The following NPSR1 variants were observed in gnomAD, a reference collection of about 807,000 sequenced individuals.
NPSR1 encodes the protein neuropeptide S receptor.
NPSR1 carries 48 observed loss-of-function variants against 46.9 expected under a neutral mutation model. The observed-to-expected ratio is 1.02, with a 90% CI of 0.81 to 1.30. The LOEUF (loss-of-function observed/expected upper bound fraction) is 1.30. Ranked by LOEUF, NPSR1 falls within the 50% of genes most tolerant of loss-of-function variation. The pLI is 0.00. For synonymous variants in NPSR1, 176 were observed against 168.1 expected (o/e 1.05, Z -0.36); for missense variants, 450 against 449.5 (o/e 1.00, Z -0.01).
At position 34,779,063 on chromosome 7, in the gene NPSR1, G is replaced by C. The variant is rs324984; in HGVS notation, c.384+498G>C. ...TCTCAAATTTCCTATTTTCCTTTTTGAATGATTTTATAACTGAGAGACTTT... is the reference window on the plus strand; with the variant it reads ...TCTCAAATTTCCTATTTTCCTTTTTCAATGATTTTATAACTGAGAGACTTT... On this transcript the variant is annotated intron_variant, in intron 3 of 8. Coordinates refer to ENST00000360581, the MANE Select transcript of NPSR1 (RefSeq NM_207172.2). Among the ~76,000 whole-genome samples the C allele has an allele frequency of 7.6e-3, 1,157 of 151,956 alleles. 12 individuals carry two copies. The highest frequency in any genetic ancestry group is 0.027 in the African/African-American group (1,110 of 41,474).
In NPSR1 at chr7:34,827,426, G is replaced by A. The variant is rs1473733516; in HGVS notation, c.504G>A (p.Val168=). Residue 168 remains valine (V), a synonymous_variant, in exon 5 of 9, where the codon GTG becomes GTA. Transcript: ENST00000360581. ...QGEKQARVLI[V]IAWSLSFLFS... ...AAAAGCAAGCCAGGGTCCTCATTGT[G>A]ATCGCCTGGAGCCTGTCTTTTCTGT... 1.1e-5 allele frequency: 17 copies of A among 1,613,974 alleles called. No individual in the cohort carries two copies. Among genetic ancestry groups the A allele is most frequent in the Non-Finnish European group, 1.3e-5 (15 of 1,180,006 alleles).
chr7:34,785,685 C>G (rs1360505507), intron 3 of NPSR1, among the ~76,000 whole-genome samples: 1 of 152,048 alleles, frequency 6.6e-6, no homozygotes, highest in African/African-American at 2.4e-5. Flanking sequence ...ATAATAGCTA[C>G]AATAGAGGTA....
chr7:34,668,631 T>C (rs565106494), intron 1 of NPSR1, among the ~76,000 whole-genome samples: 2 of 152,354 alleles, frequency 1.3e-5, no homozygotes, highest in South Asian at 4.1e-4. Flanking sequence ...TGTTTCCTAC[T>C]CATGTCCCAT....
intron 3 of NPSR1, among the ~76,000 whole-genome samples, chr7:34,779,232 G>C (rs961162995): frequency 6.6e-6 from 1 of 151,666 alleles, no homozygotes; most frequent in African/African-American, 2.4e-5. Context: ...ATACATACTT[G>C]TTAATATGCA....
chr7:34,762,307 T>C (rs1007544286), intron 2 of NPSR1, among the ~76,000 whole-genome samples: 1 of 151,906 alleles, frequency 6.6e-6, no homozygotes, highest in African/African-American at 2.4e-5. Context: ...AGCCGGGGAG[T>C]TGACAGTTTA....
At chr7:34,709,114 T>A (rs978424038) in intron 2 of NPSR1, among the ~76,000 whole-genome samples, 1 of 152,148 alleles carries the variant, frequency 6.6e-6, no homozygotes, top group Non-Finnish European at 1.5e-5. Flanking sequence ...TCAAGAGGCT[T>A]GAGAGTAACT....
chr7:34,814,060 G>T (rs910388707), intron 4 of NPSR1, among the ~76,000 whole-genome samples: 4 of 152,198 alleles, frequency 2.6e-5, no homozygotes, highest in African/African-American at 9.7e-5. Flanking sequence ...GGACTGGTTG[G>T]ACAGTGGGTG....
At chr7:34,796,277 A>G (rs1788166927) in intron 3 of NPSR1, among the ~76,000 whole-genome samples, 1 of 152,194 alleles carries the variant, frequency 6.6e-6, no homozygotes, top group Non-Finnish European at 1.5e-5. Context: ...GAGTATGGTG[A>G]TGACTTTTTA....
intron 6 of NPSR1, among the ~76,000 whole-genome samples, chr7:34,837,244 C>CA (rs1241717022): frequency 6.6e-6 from 1 of 152,086 alleles, no homozygotes; most frequent in African/African-American, 2.4e-5. Flanking sequence ...AGTAAACAGC[C>CA]AATATTATCC....
At chr7:34,697,497 A>G (rs1158453904) in intron 2 of NPSR1, among the ~76,000 whole-genome samples, 1 of 151,974 alleles carries the variant, frequency 6.6e-6, no homozygotes, top group African/African-American at 2.4e-5. Flanking sequence ...TGCCAATACA[A>G]AAATTCGAGG....
At chr7:34,762,948 ACAG>A (rs1208114702) in intron 2 of NPSR1, among the ~76,000 whole-genome samples, 1 of 152,222 alleles carries the variant, frequency 6.6e-6, no homozygotes, top group Non-Finnish European at 1.5e-5. Flanking sequence ...GAAAGTGCAA[ACAG>A]CAACTGAGAG....
In NPSR1 at chr7:34,849,566, G is replaced by A; in HGVS notation, c.1027G>A (p.Glu343Lys). The change falls in exon 9 of 9, where the codon GAG becomes AAG. Residue 343 changes from glutamate (E) to lysine (K), a missense_variant and splice_region_variant. Transcript: ENST00000360581. ...FSSSISFPCREQRSQDSRMTF... is the reference protein window; with the variant it reads ...FSSSISFPCRKQRSQDSRMTF... Reference sequence around the variant, plus strand: ...CTGCTTTATTTTGACTTTCTCCAGGGAGCAAAGATCACAGGATTCCAGAAT... The same window carrying A: ...CTGCTTTATTTTGACTTTCTCCAGGAAGCAAAGATCACAGGATTCCAGAAT... 1 of 1,614,054 alleles carries A rather than the reference G, an allele frequency of 6.2e-7. No individual in the cohort carries two copies. The highest frequency in any genetic ancestry group is 8.5e-7 in the Non-Finnish European group (1 of 1,179,970).
At chr7:34,776,629 C>A (rs1482699878) in intron 2 of NPSR1, among the ~76,000 whole-genome samples, 1 of 152,132 alleles carries the variant, frequency 6.6e-6, no homozygotes, top group Non-Finnish European at 1.5e-5. Context: ...TTGTAAGCAA[C>A]AGATCATTGA....
At position 34,817,437 on chromosome 7, in the gene NPSR1, C is replaced by T. The variant is rs1381055109; in HGVS notation, c.478+5574C>T. The stretch of plus-strand genomic sequence containing the variant: ...GAGGCAATAATTAATAGGCTACCAA[C>T]CAAAAAAAGTCCAGGACCAGACCAA... On this transcript the variant is annotated intron_variant, in intron 4 of 8. Transcript: ENST00000360581. Among the ~76,000 whole-genome samples, 4 of 24,532 alleles carry T rather than the reference C, an allele frequency of 1.6e-4. 1 individual carries two copies. Among genetic ancestry groups the T allele is most frequent in the East Asian group, 1.5e-3 (2 of 1,320 alleles). The allele number at this position is 24,532 out of a possible 152,430, so 16.1% of individuals were successfully genotyped here. A position where few individuals can be genotyped will look rare whatever the true frequency, so the allele number is the denominator to read the frequency against.
At chr7:34,870,859 G>A (rs1791434580) in intron 8 of NPSR1, among the ~76,000 whole-genome samples, 1 of 151,396 alleles carries the variant, frequency 6.6e-6, no homozygotes, top group Non-Finnish European at 1.5e-5. Context: ...TCAGGAAGAA[G>A]TGGGTAACAT....
At position 34,801,884 on chromosome 7, in the gene NPSR1, A is replaced by G; in HGVS notation, c.385-9886A>G. Among the ~76,000 whole-genome samples the G allele has an allele frequency of 1.3e-5, 2 of 149,950 alleles. 1 individual carries two copies. The highest frequency in any genetic ancestry group is 1.3e-4 in the Admixed American group (2 of 15,222). On this transcript the variant is annotated intron_variant, in intron 3 of 8. Transcript: ENST00000360581. ...CAGCAAAGTCTCAGGATACAAAATC[A>G]ATGTACAAAAATCACAAGCATTCTT...
At chr7:34,779,699 CAT>C in intron 3 of NPSR1, 3 of 564,126 alleles carry the variant, frequency 5.3e-6, no homozygotes, top group Non-Finnish European at 7.8e-6. Flanking sequence ...TTTTTAAAAA[CAT>C]ATTTCAATTT....
At chr7:34,872,245 T>A (rs1791473834) in intron 8 of NPSR1, among the ~76,000 whole-genome samples, 2 of 151,986 alleles carry the variant, frequency 1.3e-5, no homozygotes, top group Non-Finnish European at 2.9e-5. Flanking sequence ...GAGTCATGCC[T>A]GAAGCCAGAG....
At chr7:34,711,619 A>T (rs1269366176) in intron 2 of NPSR1, 2 of 152,240 alleles carry the variant, frequency 1.3e-5, no homozygotes, top group African/African-American at 4.8e-5. Context: ...ATGAAGCCAA[A>T]CCAAGACATT....
Sources: gnomAD v4.1 joint callset for allele counts (sites outside exome capture counted in the v4.1 genomes callset) on GRCh38, gnomAD v4.1.1 for gene constraint, MANE v1.5 for transcripts, NCBI Gene and HGNC (gene_info 2026-07-23, HGNC 2026-07-21) for gene names.